C3orf52: variants seen among roughly 807,000 people sequenced by gnomAD.
The protein encoded by C3orf52 is chromosome 3 open reading frame 52, also known as TPA-induced transmembrane protein.
In C3orf52, 22 loss-of-function variants were observed where a neutral mutation model predicts 24.8. The ratio of observed to expected loss-of-function variants is 0.89; its 90% CI spans 0.63 to 1.27. The LOEUF (loss-of-function observed/expected upper bound fraction) is 1.27. C3orf52 is among the 50% of genes most tolerant of loss of function. C3orf52 has a pLI of 0.00. For missense variants in C3orf52, 265 were observed against 260.7 expected (o/e 1.02, Z -0.11); for synonymous variants, 93 against 100.2 (o/e 0.93, Z 0.43).
At chr3:112,088,627 T>C (rs1456657877) in intron 1 of C3orf52, among the ~76,000 whole-genome samples, 1 of 152,162 alleles carries the variant, frequency 6.6e-6, no homozygotes, top group Non-Finnish European at 1.5e-5. Flanking sequence ...GTATGTTTTT[T>C]AGATCTCAAA....
At position 112,113,059 on chromosome 3, in the gene C3orf52, T is replaced by C. The variant is rs1371323125; in HGVS notation, c.563T>C (p.Leu188Pro). The change falls in exon 5 of 6, where the codon CTG becomes CCG. Residue 188 changes from leucine (L) to proline (P), a missense_variant. Leu to Pro is a moderately conservative substitution (Grantham distance 98, BLOSUM62 -3). Transcript: ENST00000264848. ...TATATGATGAGTGAGGAGTTGGTGCTGGGCATTTTGCTACAGGATTTCCGT... is the reference window on the plus strand; with the variant it reads ...TATATGATGAGTGAGGAGTTGGTGCCGGGCATTTTGCTACAGGATTTCCGT... ...MKYMMSEELV[L>P]GILLQDFRDQ... 6.2e-7 allele frequency: 1 copy of C among 1,610,332 alleles called. No individual in the cohort carries two copies. Among genetic ancestry groups the C allele is most frequent in the Non-Finnish European group, 8.5e-7 (1 of 1,178,384 alleles).
chr3:112,126,398 C>T (rs1465998779), intron 4 of C3orf52, among the ~76,000 whole-genome samples: 1 of 152,104 alleles, frequency 6.6e-6, no homozygotes, highest in African/African-American at 2.4e-5. Context: ...TGATACAATT[C>T]ATCACACTCT....
At chr3:112,127,756 G>A (rs113850770) in intron 4 of C3orf52, among the ~76,000 whole-genome samples, 85 of 152,304 alleles carry the variant, frequency 5.6e-4, no homozygotes, top group African/African-American at 1.9e-3. Flanking sequence ...TGAAAAAAAC[G>A]TATGTTTTCT....
chr3:112,114,706 A>C (rs530245338), intron 5 of C3orf52, among the ~76,000 whole-genome samples: 1 of 152,208 alleles, frequency 6.6e-6, no homozygotes, highest in Admixed American at 6.5e-5. Flanking sequence ...CTCCATTTCA[A>C]AAGAAAAAAA....
At position 112,093,402 on chromosome 3, in the gene C3orf52, G is replaced by T; in HGVS notation, c.181G>T (p.Val61Phe). The change falls in exon 2 of 6, where the codon GTT becomes TTT. Residue 61 changes from valine to phenylalanine, a missense_variant. Coordinates refer to ENST00000264848, the MANE Select transcript of C3orf52 (RefSeq NM_024616.3). Reference sequence around the variant, plus strand: ...CTGGAGCTCCTGTAATAAGAATGTGGTTGGAAGATGCAAACTGTGGATGAT... The same window carrying T: ...CTGGAGCTCCTGTAATAAGAATGTGTTTGGAAGATGCAAACTGTGGATGAT... Reference protein sequence around the residue: ...SPWSSCNKNVVGRCKLWMIIT... With the variant: ...SPWSSCNKNVFGRCKLWMIIT... 6.2e-7 allele frequency: 1 copy of T among 1,613,946 alleles called. No homozygotes were observed. Among genetic ancestry groups the T allele is most frequent in the Non-Finnish European group, 8.5e-7 (1 of 1,179,848 alleles).
intron 5 of C3orf52, among the ~76,000 whole-genome samples, chr3:112,115,647 C>T (rs537532006): frequency 2.0e-5 from 3 of 152,224 alleles, no homozygotes; most frequent in South Asian, 2.1e-4. Flanking sequence ...TCAGGGATTC[C>T]GAGTATTTCC....
downstream of C3orf52, chr3:112,134,966 G>A (rs558820606): frequency 1.8e-4 from 28 of 155,092 alleles, no homozygotes; most frequent in African/African-American, 6.5e-4. Flanking sequence ...AGGAGCAAAA[G>A]GTGGGGGAGG....
chr3:112,107,993 G>A (rs2074043179), intron 3 of C3orf52, among the ~76,000 whole-genome samples: 1 of 152,114 alleles, frequency 6.6e-6, no homozygotes, highest in African/African-American at 2.4e-5. Context: ...AAAGTAATAG[G>A]TCATTAAGCC....
chr3:112,095,844 G>C (rs1408496364), intron 2 of C3orf52, among the ~76,000 whole-genome samples: 1 of 152,144 alleles, frequency 6.6e-6, no homozygotes, highest in African/African-American at 2.4e-5. Context: ...TTCTGTGACA[G>C]TCCCAGCCTC....
chr3:112,117,185 T>A lies in C3orf52; in HGVS notation c.*539T>A. 1 of 552,360 alleles carries A rather than the reference T, an allele frequency of 1.8e-6. No homozygotes were observed. The highest frequency in any genetic ancestry group is 3.2e-6 in the Non-Finnish European group (1 of 312,190). The allele number at this position is 552,360 out of a possible 1,614,324, so 34.2% of individuals were successfully genotyped here. ...CTAAGCCAATTATTCACTGAAGTCATCCTCCTCCCCCCCACCATTCGATTT... is the reference window on the plus strand; with the variant it reads ...CTAAGCCAATTATTCACTGAAGTCAACCTCCTCCCCCCCACCATTCGATTT... On this transcript the variant is annotated 3_prime_UTR_variant, in exon 6 of 6. Coordinates refer to ENST00000264848, the MANE Select transcript of C3orf52 (RefSeq NM_024616.3).
chr3:112,100,677 A>G (rs12053863), intron 2 of C3orf52, among the ~76,000 whole-genome samples: 7 of 151,982 alleles, frequency 4.6e-5, no homozygotes, highest in Non-Finnish European at 1.5e-5. Flanking sequence ...GGAAATCTAC[A>G]TGGTGGGTAT....
intron 4 of C3orf52, chr3:112,123,797 T>A (rs1444005414): frequency 6.3e-7 from 1 of 1,597,144 alleles, no homozygotes. Flanking sequence ...AGAACCATCA[T>A]CAAGATTTGG....
intron 1 of C3orf52, among the ~76,000 whole-genome samples, chr3:112,092,198 C>G (rs1423534449): frequency 1.3e-5 from 2 of 152,106 alleles, no homozygotes; most frequent in Admixed American, 6.5e-5. Context: ...TGTCCATTAT[C>G]TCTAGTTTTT....
intron 4 of C3orf52, chr3:112,123,731 G>A: frequency 6.2e-7 from 1 of 1,613,938 alleles, no homozygotes; most frequent in Non-Finnish European, 8.5e-7. Flanking sequence ...GATTGATGAG[G>A]GTATAGCACA....
At chr3:112,098,704 A>AG (rs2073947069) in intron 2 of C3orf52, among the ~76,000 whole-genome samples, 2 of 152,320 alleles carry the variant, frequency 1.3e-5, no homozygotes, top group African/African-American at 4.8e-5. Context: ...GGGAACTCCA[A>AG]GATCAAAGTG....
intron 4 of C3orf52, chr3:112,125,140 A>T (rs1351309229): frequency 1.1e-6 from 1 of 870,924 alleles, no homozygotes; most frequent in African/African-American, 1.7e-5. Flanking sequence ...GTCAGAAGGG[A>T]TCTCAGAGGC....
intron 4 of C3orf52, chr3:112,123,784 A>G: frequency 6.2e-7 from 1 of 1,602,070 alleles, no homozygotes; most frequent in Middle Eastern, 1.7e-4. Context: ...TGCTTGTCAA[A>G]GAAGAACCAT....
At position 112,112,947 on chromosome 3, in the gene C3orf52, C is replaced by T. The variant is rs2074099339; in HGVS notation, c.468-17C>T. 1.3e-6 allele frequency: 2 copies of T among 1,594,852 alleles called. No homozygotes were observed. Among genetic ancestry groups the T allele is most frequent in the African/African-American group, 2.7e-5 (2 of 74,506 alleles). ...TATGATGCTGTTTATGTTTTAATGT[C>T]TTCCATTGCCTTTCAGTGGTGAAAA... On this transcript the variant is annotated splice_polypyrimidine_tract_variant and intron_variant, in intron 4 of 5. Transcript: ENST00000264848.
At chr3:112,100,523 T>C (rs1314415294) in intron 2 of C3orf52, among the ~76,000 whole-genome samples, 4 of 152,182 alleles carry the variant, frequency 2.6e-5, no homozygotes, top group Admixed American at 1.3e-4. Flanking sequence ...TGATACACAT[T>C]AAATATGTGT....
Sources: gnomAD v4.1 joint callset for allele counts (sites outside exome capture counted in the v4.1 genomes callset) on GRCh38, gnomAD v4.1.1 for gene constraint, MANE v1.5 for transcripts, NCBI Gene and HGNC (gene_info 2026-07-23, HGNC 2026-07-21) for gene names.